The following CARMIL1 variants were observed in gnomAD, a reference collection of about 807,000 sequenced individuals.
CARMIL1 encodes the protein capping protein regulator and myosin 1 linker 1, also known as F-actin-uncapping protein LRRC16A.
A neutral mutation model predicts 177.1 loss-of-function variants in CARMIL1; 90 were observed. That is an observed-to-expected ratio of 0.51 (90% CI 0.43 to 0.61). CARMIL1 has a LOEUF of 0.61. Ranked by LOEUF, CARMIL1 falls within the 20% of genes least tolerant of loss-of-function variation. The probability of loss-of-function intolerance (pLI) is 0.00; values close to 1 mark genes in which losing one functional copy is unlikely to be tolerated. For synonymous variants in CARMIL1, 577 were observed against 606.2 expected (o/e 0.95, Z 0.71); for missense variants, 1,380 against 1,667.0 (o/e 0.83, Z 3.00).
At chr6:25,540,618 T>A (rs980004639) in intron 26 of CARMIL1, among the ~76,000 whole-genome samples, 1 of 152,160 alleles carries the variant, frequency 6.6e-6, no homozygotes, top group African/African-American at 2.4e-5. Flanking sequence ...ATTGAAACTT[T>A]TGGGGAATAG....
intron 2 of CARMIL1, among the ~76,000 whole-genome samples, chr6:25,371,538 G>GT (rs1562048544): frequency 6.6e-6 from 1 of 152,076 alleles, no homozygotes; most frequent in Non-Finnish European, 1.5e-5. Context: ...TTGTATATTT[G>GT]TTGGCCATTT....
chr6:25,528,972 T>A (rs1010858354), intron 24 of CARMIL1, 79 bp downstream of exon 24: 21 of 1,037,860 alleles, frequency 2.0e-5, no homozygotes, highest in Non-Finnish European at 3.0e-5. Flanking sequence ...AGCATTCGAG[T>A]AATTTCCAAT....
At chr6:25,555,730 AAC>A (rs145870731) in intron 28 of CARMIL1, among the ~76,000 whole-genome samples, 4,349 of 152,286 alleles carry the variant, frequency 0.029, 93 homozygotes, top group Middle Eastern at 0.078. Flanking sequence ...TTATTTTAGA[AAC>A]AGTTTATTGA....
chr6:25,469,434 G>A (rs399930), intron 9 of CARMIL1, among the ~76,000 whole-genome samples: 84,779 of 152,050 alleles, frequency 0.56, 23,709 homozygotes, highest in South Asian at 0.66. Context: ...ATTATATGCT[G>A]TGGCACATAG....
At chr6:25,334,739 A>C (rs7762537) in intron 2 of CARMIL1, among the ~76,000 whole-genome samples, 30,942 of 152,058 alleles carry the variant, frequency 0.2, 3,407 homozygotes, top group Non-Finnish European at 0.23. Context: ...CTTTAACAGC[A>C]CCCTTCTGTG....
intron 5 of CARMIL1, among the ~76,000 whole-genome samples, chr6:25,442,996 C>T (rs1382047409): frequency 1.3e-5 from 2 of 152,180 alleles, no homozygotes; most frequent in East Asian, 3.8e-4. Flanking sequence ...CCACCAGCTT[C>T]CGGTCAAAGA....
At position 25,416,485 on chromosome 6, in the gene CARMIL1, G is replaced by T. The variant is rs540630420; in HGVS notation, c.139-3629G>T. The stretch of plus-strand genomic sequence containing the variant: ...TGTTTTCCTTATAGGGTGCTGTGAG[G>T]ATTAAATGTGGTAACATATACAAAC... On this transcript the variant is annotated intron_variant, in intron 2 of 36. Coordinates refer to ENST00000329474, the MANE Select transcript of CARMIL1 (RefSeq NM_017640.6). Among the ~76,000 whole-genome samples, 7 of 152,256 alleles carry T rather than the reference G, an allele frequency of 4.6e-5. No individual in the cohort carries two copies. In the East Asian group the frequency reaches 1.3e-3, roughly 29 times the overall value.
chr6:25,494,232 C>G (rs1158850919), intron 15 of CARMIL1, among the ~76,000 whole-genome samples: 2 of 151,870 alleles, frequency 1.3e-5, no homozygotes, highest in Non-Finnish European at 2.9e-5. Context: ...CTAGGATGCC[C>G]TCTTCCCTGA....
intron 2 of CARMIL1, among the ~76,000 whole-genome samples, chr6:25,361,383 C>G (rs6905765): frequency 0.11 from 16,174 of 152,008 alleles, 1,082 homozygotes; most frequent in African/African-American, 0.19. Context: ...CCTTTCCCCC[C>G]CTGCACACTC....
intron 23 of CARMIL1, 47 bp from the exon 24 acceptor site, chr6:25,528,748 G>A (rs1193351517): frequency 4.5e-6 from 6 of 1,346,040 alleles, no homozygotes; most frequent in South Asian, 2.5e-5. Flanking sequence ...TTTATTCTCC[G>A]CTGGGTTGAA....
At chr6:25,461,473 G>C (rs1377787715) in intron 8 of CARMIL1, among the ~76,000 whole-genome samples, 8 of 152,216 alleles carry the variant, frequency 5.3e-5, no homozygotes, top group Admixed American at 5.2e-4. Context: ...GCTGCTGCAA[G>C]GCAGCACTGG....
At chr6:25,480,409 T>C (rs987510525) in intron 11 of CARMIL1, among the ~76,000 whole-genome samples, 1 of 151,864 alleles carries the variant, frequency 6.6e-6, no homozygotes, top group African/African-American at 2.4e-5. Context: ...TAATGAAATA[T>C]TCCATTTATC....
intron 2 of CARMIL1, among the ~76,000 whole-genome samples, chr6:25,387,114 CAAA>C (rs377548646): frequency 1.2e-4 from 12 of 101,910 alleles, no homozygotes; most frequent in South Asian, 3.9e-4. Context: ...ACTCTGTCTC[CAAA>C]AAAAAAAAAA....
intron 2 of CARMIL1, among the ~76,000 whole-genome samples, chr6:25,316,221 T>C (rs780571210): frequency 2.6e-5 from 4 of 152,142 alleles, no homozygotes; most frequent in Non-Finnish European, 5.9e-5. Context: ...TAAAATTGCA[T>C]AGGGAACACT....
intron 28 of CARMIL1, among the ~76,000 whole-genome samples, chr6:25,556,272 A>G (rs1184095483): frequency 1.3e-5 from 2 of 152,212 alleles, no homozygotes; most frequent in African/African-American, 4.8e-5. Context: ...AAATCATATC[A>G]AATATGGTAT....
At chr6:25,371,524 T>C (rs1040341122) in intron 2 of CARMIL1, among the ~76,000 whole-genome samples, 1 of 152,226 alleles carries the variant, frequency 6.6e-6, no homozygotes, top group Admixed American at 6.5e-5. Context: ...TGTTGAACAT[T>C]GTTTTGTATA....
At chr6:25,585,218 T>G (rs968322148) in intron 31 of CARMIL1, among the ~76,000 whole-genome samples, 2 of 152,254 alleles carry the variant, frequency 1.3e-5, no homozygotes, top group Non-Finnish European at 2.9e-5. Context: ...ATTTAAATTT[T>G]TCAGGTAAGA....
At chr6:25,459,272 T>TCTTTCTTTCTTTCTTTCTTTC (rs1477339182) in intron 8 of CARMIL1, among the ~76,000 whole-genome samples, 9 of 134,970 alleles carry the variant, frequency 6.7e-5, no homozygotes, top group East Asian at 2.4e-4. Flanking sequence ...CTTTCTTTTT[T>TCTTTCTTTCTTTCTTTCTTTC]TTTTTTTTAA....
chr6:25,470,257 T>A (rs1237848684), intron 9 of CARMIL1, among the ~76,000 whole-genome samples: 1 of 152,234 alleles, frequency 6.6e-6, no homozygotes, highest in East Asian at 1.9e-4. Context: ...GCCTTCCTAT[T>A]AAGTTTATGA....
Sources: allele counts gnomAD v4.1 joint callset (sites outside exome capture counted in the v4.1 genomes callset), GRCh38; gene constraint gnomAD v4.1.1; transcripts MANE v1.5; gene names NCBI Gene and HGNC (gene_info 2026-07-23, HGNC 2026-07-21).